Variants in POLK observed in about 807,000 individuals in gnomAD.
The protein encoded by POLK is DNA polymerase kappa, also known as polymerase (DNA directed) kappa.
POLK carries 76 observed loss-of-function variants against 94.0 expected under a neutral mutation model. The ratio of observed to expected loss-of-function variants is 0.81; its 90% CI spans 0.67 to 0.98. POLK has a LOEUF of 0.98. POLK is among the 50% of genes least tolerant of loss of function. The pLI, the probability that POLK is intolerant of heterozygous loss-of-function variation, is 0.00. For missense variants in POLK, 954 were observed against 1,010.1 expected (o/e 0.94, Z 0.75); for synonymous variants, 349 against 325.4 (o/e 1.07, Z -0.78).
At chr5:75,599,705 T>C (rs185275265) in exon 15 of POLK, 2 of 152,340 alleles carry the variant, frequency 1.3e-5, no homozygotes, top group East Asian at 1.9e-4. Context: ...ATTTTTATTA[T>C]CTTCAATATT....
At chr5:75,547,043 G>A in exon 2 of POLK, 2 of 1,531,502 alleles carry the variant, frequency 1.3e-6, no homozygotes, top group Non-Finnish European at 1.8e-6. Flanking sequence ...CAAAGGAGAA[G>A]TGTGACAGTT....
intron 1 of POLK, among the ~76,000 whole-genome samples, chr5:75,536,584 T>A (rs1769455301): frequency 6.6e-6 from 1 of 151,552 alleles, no homozygotes; most frequent in Non-Finnish European, 1.5e-5. Context: ...ATGGCTCACC[T>A]GGCTACCAGT....
exon 7 of POLK, chr5:75,581,265 C>T: frequency 6.2e-7 from 1 of 1,607,516 alleles, no homozygotes; most frequent in East Asian, 2.2e-5. Flanking sequence ...CATCTCTCCA[C>T]TACTTTTTGA....
At chr5:75,594,099 C>G in intron 12 of POLK, 50 bp downstream of exon 12, 1 of 1,377,192 alleles carries the variant, frequency 7.3e-7, no homozygotes. Context: ...TAGATTTTCC[C>G]AAATAATCAA....
intron 1 of POLK, among the ~76,000 whole-genome samples, chr5:75,542,312 C>A (rs1000977545): frequency 6.6e-6 from 1 of 151,886 alleles, no homozygotes; most frequent in African/African-American, 2.4e-5. Context: ...CTCTTCCCGC[C>A]ACCTCTCTCT....
intron 1 of POLK, among the ~76,000 whole-genome samples, chr5:75,545,887 G>A (rs1472434764): frequency 6.6e-6 from 1 of 152,250 alleles, no homozygotes; most frequent in Admixed American, 6.5e-5. Flanking sequence ...TAAGAGTCAG[G>A]TTTGTTATCT....
At chr5:75,513,324 G>A (rs534873588) in intron 1 of POLK, among the ~76,000 whole-genome samples, 3 of 152,186 alleles carry the variant, frequency 2.0e-5, no homozygotes, top group South Asian at 4.2e-4. Flanking sequence ...TCCTTAAGGT[G>A]ACTTTGCATA....
At chr5:75,583,380 C>T (rs988684944) in exon 8 of POLK, 1 of 1,603,234 alleles carries the variant, frequency 6.2e-7, no homozygotes, top group South Asian at 1.1e-5. Context: ...AATAGACAAG[C>T]TGTGATGGAC....
chr5:75,556,940 A>G (rs1030685550), intron 3 of POLK, among the ~76,000 whole-genome samples: 2 of 152,080 alleles, frequency 1.3e-5, no homozygotes, highest in African/African-American at 4.8e-5. Context: ...GCACAGGCCC[A>G]TGGTCCTAGC....
Position 75,533,689 on chromosome 5 carries a change from A to ATTTT in POLK, c.-13-13320_-13-13317dup, listed in dbSNP as rs1449855985. 5.9e-5 allele frequency among the ~76,000 whole-genome samples: 9 copies of ATTTT among 152,142 alleles called. No individual in the cohort carries two copies. In the East Asian group the frequency reaches 1.7e-3, roughly 29 times the overall value. On this transcript the variant is annotated intron_variant, in intron 1 of 14. Coordinates refer to ENST00000241436, the Ensembl canonical transcript of POLK. ...TGTAATTTGCTTTGGGAGCATGACT[A>ATTTT]TTTTAACAATGTTGATTCATTCTAT...
intron 1 of POLK, among the ~76,000 whole-genome samples, chr5:75,531,410 A>ATATAGCTATATAGTATATAGCTACCAG (rs1769177556): frequency 6.8e-6 from 1 of 146,498 alleles, no homozygotes; most frequent in Non-Finnish European, 1.6e-5. Flanking sequence ...CCAGTATATA[A>ATATAGCTATATAGTATATAGCTACCAG]TATATAGCTA....
At chr5:75,533,296 T>G (rs1348736195) in intron 1 of POLK, among the ~76,000 whole-genome samples, 2 of 152,242 alleles carry the variant, frequency 1.3e-5, no homozygotes, top group South Asian at 4.1e-4. Flanking sequence ...TTCAGTCTTA[T>G]GGATGTGGCT....
At chr5:75,556,490 T>G (rs933858044) in intron 3 of POLK, among the ~76,000 whole-genome samples, 1 of 152,184 alleles carries the variant, frequency 6.6e-6, no homozygotes, top group Non-Finnish European at 1.5e-5. Flanking sequence ...ACAGTATCTT[T>G]CACAGAGCAG....
intron 5 of POLK, among the ~76,000 whole-genome samples, chr5:75,575,586 A>G (rs928216372): frequency 3.9e-5 from 6 of 152,198 alleles, no homozygotes; most frequent in African/African-American, 1.4e-4. Context: ...GAAGTTAATA[A>G]ATACTCAACA....
chr5:75,546,045 G>A (rs935959374), intron 1 of POLK, among the ~76,000 whole-genome samples: 2 of 152,098 alleles, frequency 1.3e-5, no homozygotes, highest in Non-Finnish European at 2.9e-5. Flanking sequence ...TAGTACAGAT[G>A]ACCTTTGAAC....
At chr5:75,521,234 A>C (rs1306548338) in intron 1 of POLK, among the ~76,000 whole-genome samples, 1 of 151,996 alleles carries the variant, frequency 6.6e-6, no homozygotes, top group Non-Finnish European at 1.5e-5. Flanking sequence ...TAATTCTTAG[A>C]TTTAGTCTTT....
chr5:75,551,200 A>G (rs1415168881), intron 2 of POLK, among the ~76,000 whole-genome samples: 1 of 152,212 alleles, frequency 6.6e-6, no homozygotes, highest in Non-Finnish European at 1.5e-5. Context: ...ATGTGATACT[A>G]GAAGAACAAT....
At chr5:75,518,145 A>G (rs1768405670) in intron 1 of POLK, among the ~76,000 whole-genome samples, 1 of 152,126 alleles carries the variant, frequency 6.6e-6, no homozygotes, top group Non-Finnish European at 1.5e-5. Context: ...TTGTAGAATG[A>G]GTTTGGAAGT....
intron 6 of POLK, among the ~76,000 whole-genome samples, chr5:75,579,199 A>G (rs78705375): frequency 7.8e-4 from 119 of 152,262 alleles, no homozygotes; most frequent in African/African-American, 2.8e-3. Flanking sequence ...CATGAGGTAC[A>G]AAACATGGCA....
Sources: gnomAD v4.1 joint callset for allele counts (sites outside exome capture counted in the v4.1 genomes callset) on GRCh38, gnomAD v4.1.1 for gene constraint, MANE v1.5 for transcripts, NCBI Gene and HGNC (gene_info 2026-07-23, HGNC 2026-07-21) for gene names.